TMEM273: variants seen among roughly 807,000 people sequenced by gnomAD.
The protein encoded by TMEM273 is chromosome 10 open reading frame 128.
Under a neutral mutation model 17.9 loss-of-function variants are expected in TMEM273, and 19 were observed. That is an observed-to-expected ratio of 1.06 (90% confidence interval 0.74 to 1.55). The LOEUF (loss-of-function observed/expected upper bound fraction) is 1.55. TMEM273 is among the 40% of genes most tolerant of loss of function. TMEM273 has a pLI of 0.00. For synonymous variants in TMEM273, 66 were observed against 62.0 expected, an observed-to-expected ratio of 1.07 and a Z score of -0.31; for missense variants, 194 against 155.6, an observed-to-expected ratio of 1.25 and a Z score of -1.31.
chr10:49,168,062 C>T, intron 1 of TMEM273, 100 bp from the exon 2 acceptor site: 1 of 1,415,110 alleles, frequency 7.1e-7, no homozygotes, highest in Non-Finnish European at 9.9e-7. Flanking sequence ...CATGTACCCA[C>T]CAGGAGCACA....
intron 2 of TMEM273, 108 bp from the exon 3 acceptor site, chr10:49,167,117 A>C (rs886519441): frequency 1.3e-4 from 187 of 1,460,254 alleles, no homozygotes; most frequent in Non-Finnish European, 1.7e-4. Flanking sequence ...ACCACCTCCC[A>C]CTGGCTGAGG....
rs192966698 is a variant in TMEM273 at position 49,180,259 on chromosome 10, C to T, written c.43+8035G>A. Reference sequence around the variant, plus strand: ...TGAAGAGCAGTGATGAGCCTGGGTACTCCCAGCAGGGTGCTGTCTGCAAGT... The same window carrying T: ...TGAAGAGCAGTGATGAGCCTGGGTATTCCCAGCAGGGTGCTGTCTGCAAGT... On this transcript the variant is annotated intron_variant, in intron 1 of 6. Transcript: ENST00000374153. Among the ~76,000 whole-genome samples, 364 of 152,290 alleles carry T rather than the reference C, an allele frequency of 2.4e-3. 3 individuals are homozygous for T. The highest frequency in any genetic ancestry group is 8.2e-3 in the African/African-American group (340 of 41,562).
intron 1 of TMEM273, among the ~76,000 whole-genome samples, chr10:49,185,395 A>G (rs111550984): frequency 0.021 from 3,156 of 152,068 alleles, 104 homozygotes; most frequent in African/African-American, 0.07. Context: ...GAGTGCCCCC[A>G]TAGCCCCCAA....
chr10:49,163,302 T>TGAGAGA (rs1177108160), intron 5 of TMEM273, among the ~76,000 whole-genome samples: 1 of 140,822 alleles, frequency 7.1e-6, no homozygotes, highest in Non-Finnish European at 1.6e-5. Flanking sequence ...TGTGTGTGTG[T>TGAGAGA]GTGTGAGAGA....
chr10:49,181,951 A>G (rs1847370384), intron 1 of TMEM273, among the ~76,000 whole-genome samples: 1 of 152,230 alleles, frequency 6.6e-6, no homozygotes, highest in African/African-American at 2.4e-5. Flanking sequence ...ACAAAGGACT[A>G]ATATCTAGAG....
At chr10:49,178,483 A>C in intron 1 of TMEM273, 2 of 346,384 alleles carry the variant, frequency 5.8e-6, no homozygotes, top group South Asian at 4.4e-5. Flanking sequence ...CATCCCATGC[A>C]AAACAGATGA....
chr10:49,165,636 G>A (rs1846128737), intron 4 of TMEM273, 130 bp downstream of exon 4: 1 of 1,367,772 alleles, frequency 7.3e-7, no homozygotes, highest in South Asian at 1.3e-5. Flanking sequence ...GGGACCACGA[G>A]GTGCATTCTA....
chr10:49,171,271 T>C (rs1846550021), intron 1 of TMEM273, among the ~76,000 whole-genome samples: 1 of 152,198 alleles, frequency 6.6e-6, no homozygotes, highest in Non-Finnish European at 1.5e-5. Flanking sequence ...ACTGCATAAG[T>C]CTGGCTGACC....
chr10:49,181,228 A>G (rs1447519240), intron 1 of TMEM273, among the ~76,000 whole-genome samples: 1 of 152,246 alleles, frequency 6.6e-6, no homozygotes, highest in Non-Finnish European at 1.5e-5. Flanking sequence ...ATCTTAATAA[A>G]TGGAGACACA....
Position 49,188,341 on chromosome 10 carries a change from G to A in TMEM273, c.-5C>T, listed in dbSNP as rs1442303931. ...CATGCTGACCCCCAAGTTCATGCTGGCGCTCTGCTCTTGGCTCCTGGCTCC... is the reference window on the plus strand; with the variant it reads ...CATGCTGACCCCCAAGTTCATGCTGACGCTCTGCTCTTGGCTCCTGGCTCC... On this transcript the variant is annotated 5_prime_UTR_variant, in exon 1 of 7. Transcript: ENST00000374153. 6.2e-7 allele frequency: 1 copy of A among 1,614,164 alleles called. No individual in the cohort carries two copies.
intron 1 of TMEM273, among the ~76,000 whole-genome samples, chr10:49,176,595 T>C (rs1846986776): frequency 6.6e-6 from 1 of 152,186 alleles, no homozygotes; most frequent in South Asian, 2.1e-4. Context: ...ATTCATGCAA[T>C]ATTCATACTG....
rs781599586 is a variant in TMEM273 at position 49,155,667 on chromosome 10, T to G, written c.*225A>C. On this transcript the variant is annotated 3_prime_UTR_variant, in exon 7 of 7. Coordinates refer to ENST00000374153, the MANE Select transcript of TMEM273 (RefSeq NM_001288740.3). ...TTCCACTGCAGGCTAAATTGCTCAA[T>G]CCTTCCTCTGTGCAGTCCGTTTCTT... The G allele has an allele frequency of 2.7e-5, 17 of 630,256 alleles. No homozygotes were observed. Among genetic ancestry groups the G allele is most frequent in the Non-Finnish European group, 4.1e-5 (15 of 367,228 alleles). The allele number at this position is 630,256 out of a possible 1,614,324, so 39.0% of individuals were successfully genotyped here.
At chr10:49,177,028 C>A (rs1847026564) in intron 1 of TMEM273, among the ~76,000 whole-genome samples, 1 of 152,188 alleles carries the variant, frequency 6.6e-6, no homozygotes, top group Non-Finnish European at 1.5e-5. Flanking sequence ...GGAGGTGCAG[C>A]CCTGCTGCCT....
At chr10:49,180,345 C>A (rs1847267873) in intron 1 of TMEM273, among the ~76,000 whole-genome samples, 1 of 152,148 alleles carries the variant, frequency 6.6e-6, no homozygotes, top group Non-Finnish European at 1.5e-5. Context: ...ATAATTGACT[C>A]AAACAAGTGC....
intron 1 of TMEM273, among the ~76,000 whole-genome samples, chr10:49,183,887 G>A (rs936408259): frequency 6.6e-6 from 1 of 151,668 alleles, no homozygotes; most frequent in Non-Finnish European, 1.5e-5. Flanking sequence ...AATGATTCTA[G>A]CAACAACAGT....
intron 1 of TMEM273, among the ~76,000 whole-genome samples, chr10:49,180,697 G>C (rs751306487): frequency 1.8e-4 from 27 of 152,138 alleles, no homozygotes; most frequent in Non-Finnish European, 3.2e-4. Flanking sequence ...ATGATACAGA[G>C]TTAGAGTCAT....
intron 1 of TMEM273, among the ~76,000 whole-genome samples, chr10:49,174,658 G>A (rs997910312): frequency 1.3e-5 from 2 of 152,100 alleles, no homozygotes. Context: ...AACCTACCTG[G>A]CAAAGCTGTA....
At chr10:49,169,561 G>A (rs1477125665) in intron 1 of TMEM273, among the ~76,000 whole-genome samples, 1 of 152,110 alleles carries the variant, frequency 6.6e-6, no homozygotes, top group African/African-American at 2.4e-5. Context: ...AGATATTTTT[G>A]AAAATTCAAT....
chr10:49,161,919 C>A (rs76596828), intron 5 of TMEM273, among the ~76,000 whole-genome samples: 1 of 152,184 alleles, frequency 6.6e-6, no homozygotes, highest in African/African-American at 2.4e-5. Context: ...CCCATCCAGC[C>A]ATTGCCTCCC....
Sources: gnomAD v4.1 joint callset for allele counts (sites outside exome capture counted in the v4.1 genomes callset) on GRCh38, gnomAD v4.1.1 for gene constraint, MANE v1.5 for transcripts, NCBI Gene and HGNC (gene_info 2026-07-23, HGNC 2026-07-21) for gene names.